PCDHGA1: variants seen among roughly 807,000 people sequenced by gnomAD.
PCDHGA1 encodes the protein protocadherin gamma subfamily A, 1.
Under a neutral mutation model 58.0 loss-of-function variants are expected in PCDHGA1, and 32 were observed. The ratio of observed to expected loss-of-function variants is 0.55; its 90% confidence interval spans 0.42 to 0.74. The LOEUF is 0.74. Ranked by LOEUF, PCDHGA1 falls within the 30% of genes least tolerant of loss-of-function variation. The pLI, the probability that PCDHGA1 is intolerant of heterozygous loss-of-function variation, is 0.00. For synonymous variants in PCDHGA1, 498 were observed against 501.1 expected (o/e 0.99, Z 0.08); for missense variants, 1,205 against 1,182.3 (o/e 1.02, Z -0.28).
intron 1 of PCDHGA1, chr5:141,365,528 A>G: frequency 1.2e-6 from 2 of 1,613,854 alleles, no homozygotes; most frequent in Non-Finnish European, 1.7e-6. Flanking sequence ...GTCAGTTGAT[A>G]ATTACTATCA....
rs1297208780 is a variant in PCDHGA1 at position 141,486,613 on chromosome 5, T to C, written c.2422-8194T>C. 2 of 1,613,658 alleles carry C rather than the reference T, an allele frequency of 1.2e-6. No individual in the cohort carries two copies. The highest frequency in any genetic ancestry group is 2.7e-5 in the African/African-American group (2 of 75,074). On this transcript the variant is annotated intron_variant, in intron 1 of 3. Coordinates refer to ENST00000517417, the MANE Select transcript of PCDHGA1 (RefSeq NM_018912.3). The surrounding 1 kb of genome is among the most constrained non-coding windows in gnomAD (Gnocchi z 5.0). ...ACCTGCTTTGCTCCCTTGCAGCCTC[T>C]GACCCAGACTCTGGCTTGAATGCGC...
Position 141,490,732 on chromosome 5 carries a change from G to A in PCDHGA1, c.2422-4075G>A, listed in dbSNP as rs775388969. 6.2e-6 allele frequency: 10 copies of A among 1,614,188 alleles called. No homozygotes were observed. The highest frequency in any genetic ancestry group is 8.5e-6 in the Non-Finnish European group (10 of 1,180,042). ...CACCTACTCCATTGTAGGAAATCAG[G>A]TTCAGGGAGCCCCAGCCTCCTCCTT... On this transcript the variant is annotated intron_variant, in intron 1 of 3. Transcript: ENST00000517417. This position sits in a 1 kb window ranked among gnomAD's most constrained non-coding sequence, Gnocchi z 5.4.
At chr5:141,365,641 C>T (rs367688670) in intron 1 of PCDHGA1, 1 of 1,613,596 alleles carries the variant, frequency 6.2e-7, no homozygotes, top group African/African-American at 1.3e-5. Context: ...CAGAAAGCCA[C>T]ATCCCCTTGA....
Position 141,487,397 on chromosome 5 carries a change from G to A in PCDHGA1, c.2422-7410G>A. 1 of 1,614,062 alleles carries A rather than the reference G, an allele frequency of 6.2e-7. No homozygotes were observed. Among genetic ancestry groups the A allele is most frequent in the Middle Eastern group, 1.6e-4 (1 of 6,062 alleles). Reference sequence around the variant, plus strand: ...TCTCACCAGATCTCGAAGGAGGGAGGGGCTTCCCCCTTCCAATGGGATCCT... The same window carrying A: ...TCTCACCAGATCTCGAAGGAGGGAGAGGCTTCCCCCTTCCAATGGGATCCT... On this transcript the variant is annotated intron_variant, in intron 1 of 3. Coordinates refer to ENST00000517417, the MANE Select transcript of PCDHGA1 (RefSeq NM_018912.3). This position sits in a 1 kb window ranked among gnomAD's most constrained non-coding sequence, Gnocchi z 5.0.
intron 1 of PCDHGA1, chr5:141,427,973 C>G (rs754410723): frequency 3.1e-6 from 5 of 1,593,936 alleles, no homozygotes; most frequent in Non-Finnish European, 3.4e-6. Flanking sequence ...TGCTGTACCC[C>G]GCGCTGGGGC....
chr5:141,351,266 G>A (rs1222995612), intron 1 of PCDHGA1: 26 of 1,613,812 alleles, frequency 1.6e-5, no homozygotes, highest in Non-Finnish European at 2.0e-5. Flanking sequence ...AATTGTTGAC[G>A]AGAATGACAA....
chr5:141,381,826 C>CTTCTT (rs1777532522), intron 1 of PCDHGA1, among the ~76,000 whole-genome samples: 13 of 74,294 alleles, frequency 1.7e-4, no homozygotes, highest in South Asian at 5.2e-4. Context: ...CTTTCTTCTT[C>CTTCTT]TTTTTTTTTT....
At chr5:141,380,054 C>T (rs1441784259) in intron 1 of PCDHGA1, among the ~76,000 whole-genome samples, 1 of 151,916 alleles carries the variant, frequency 6.6e-6, no homozygotes, top group South Asian at 2.1e-4. Flanking sequence ...TGCATGCCAC[C>T]ATGCCTAGCT....
In PCDHGA1 at chr5:141,491,169, G is replaced by A. The variant is rs374498014; in HGVS notation, c.2422-3638G>A. The A allele has an allele frequency of 1.2e-6, 2 of 1,614,192 alleles. No homozygotes were observed. Among genetic ancestry groups the A allele is most frequent in the African/African-American group, 1.3e-5 (1 of 75,058 alleles). On this transcript the variant is annotated intron_variant, in intron 1 of 3. Transcript: ENST00000517417. The surrounding 1 kb of genome is among the most constrained non-coding windows in gnomAD (Gnocchi z 6.9). ...TGGAGGATGACTCTGACACCCAGCA[G>A]GTGGTGGTCCTGGTGAGGGACAATG...
At chr5:141,404,186 C>G in intron 1 of PCDHGA1, 1 of 1,613,086 alleles carries the variant, frequency 6.2e-7, no homozygotes, top group Non-Finnish European at 8.5e-7. Flanking sequence ...AATTCTTGAC[C>G]GAGAAAAAGC....
Position 141,370,733 on chromosome 5 carries a change from T to C in PCDHGA1, c.2421+37628T>C, listed in dbSNP as rs764261281. On this transcript the variant is annotated intron_variant, in intron 1 of 3. Coordinates refer to ENST00000517417, the MANE Select transcript of PCDHGA1 (RefSeq NM_018912.3). Reference sequence around the variant, plus strand: ...AATTTGAAATGGTTGCTGAAAAGCCTTTAAACTTTTTTCATGTAACTGTGC... The same window carrying C: ...AATTTGAAATGGTTGCTGAAAAGCCCTTAAACTTTTTTCATGTAACTGTGC... The C allele has an allele frequency of 1.2e-4, 186 of 1,613,884 alleles. No homozygotes were observed. The Admixed American group carries it at 1.2e-3, about 10-fold the overall frequency.
rs751243167 is a variant in PCDHGA1, at chr5:141,361,306, A to G, written c.2421+28201A>G. 2.5e-6 allele frequency: 4 copies of G among 1,613,858 alleles called. No homozygotes were observed. In the Admixed American group the frequency reaches 6.7e-5, roughly 27 times the overall value. ...TTACTGCCAAGTGTTGGGAAATGCC[A>G]AGTTTATTTTGAAATCTTCCTCAAA... On this transcript the variant is annotated intron_variant, in intron 1 of 3. Coordinates refer to ENST00000517417, the MANE Select transcript of PCDHGA1 (RefSeq NM_018912.3).
At chr5:141,362,807 C>T (rs1762681821) in intron 1 of PCDHGA1, among the ~76,000 whole-genome samples, 1 of 152,214 alleles carries the variant, frequency 6.6e-6, no homozygotes, top group Non-Finnish European at 1.5e-5. Context: ...CTTTACATTA[C>T]TTCTCTCTGC....
intron 1 of PCDHGA1, among the ~76,000 whole-genome samples, chr5:141,464,983 C>G (rs1294132264): frequency 6.6e-6 from 1 of 152,050 alleles, no homozygotes; most frequent in African/African-American, 2.4e-5. Flanking sequence ...TTCAAGTGAT[C>G]CTCCCACCTC....
intron 1 of PCDHGA1, chr5:141,333,751 A>C (rs1756482720): frequency 6.5e-6 from 1 of 153,154 alleles, no homozygotes; most frequent in East Asian, 1.9e-4. Context: ...CAGTGGCATG[A>C]TCATGGCTCA....
chr5:141,458,413 G>T lies in PCDHGA1; in HGVS notation c.2422-36394G>T, dbSNP rs138479316. On this transcript the variant is annotated intron_variant, in intron 1 of 3. Coordinates refer to ENST00000517417, the MANE Select transcript of PCDHGA1 (RefSeq NM_018912.3). ...TCCCCCTTGCAGAGACGGAGCGGGG[G>T]TTCCAAAGCTGAAAGAGGAGGTCCC... Among the ~76,000 whole-genome samples the T allele has an allele frequency of 9.0e-4, 137 of 152,196 alleles. 5 individuals carry two copies. The East Asian group carries it at 0.026, about 28-fold the overall frequency.
chr5:141,377,556 A>T (rs1171611330), intron 1 of PCDHGA1: 1 of 151,728 alleles, frequency 6.6e-6, no homozygotes, highest in African/African-American at 2.4e-5. Context: ...TAATTGTGTC[A>T]CTGCACCCTA....
In PCDHGA1 at chr5:141,418,608, GC is replaced by G. The variant is rs1422456031; in HGVS notation, c.2422-76197del. On this transcript the variant is annotated intron_variant, in intron 1 of 3. Transcript: ENST00000517417. Reference sequence around the variant, plus strand: ...TTCAGCCAGGACGTGTACAGGGTTAGCCTTCGGGAAGACGTGCCTCCAGGCA... The same window carrying G: ...TTCAGCCAGGACGTGTACAGGGTTAGCTTCGGGAAGACGTGCCTCCAGGCA... 4 of 1,613,922 alleles carry G rather than the reference GC, an allele frequency of 2.5e-6. No individual in the cohort carries two copies. In the African/African-American group the frequency reaches 5.3e-5, roughly 22 times the overall value.
intron 1 of PCDHGA1, chr5:141,370,646 A>G: frequency 1.2e-6 from 2 of 1,613,916 alleles, no homozygotes; most frequent in Non-Finnish European, 1.7e-6. Context: ...ATGGGAACTT[A>G]CTTGTGAGCG....
Sources: gnomAD v4.1 joint callset for allele counts (sites outside exome capture counted in the v4.1 genomes callset) on GRCh38, gnomAD v4.1.1 for gene constraint, Gnocchi (gnomAD v3.1) non-coding constraint, MANE v1.5 for transcripts, NCBI Gene and HGNC (gene_info 2026-07-23, HGNC 2026-07-21) for gene names.